PCBP3: variants seen among roughly 807,000 people sequenced by gnomAD.
PCBP3 encodes the protein poly(rC) binding protein 3.
In PCBP3, 25 loss-of-function variants were observed where a neutral mutation model predicts 52.7. That is an observed-to-expected ratio of 0.47 (90% CI 0.35 to 0.66). The LOEUF (loss-of-function observed/expected upper bound fraction) is 0.66. Among genes scored for constraint, PCBP3 ranks in the 30% least tolerant of loss-of-function variants. The pLI is 0.01. For synonymous variants in PCBP3, 162 were observed against 183.0 expected, an observed-to-expected ratio of 0.89 and a Z score of 0.93; for missense variants, 391 against 490.3, an observed-to-expected ratio of 0.80 and a Z score of 1.91.
intron 2 of PCBP3, among the ~76,000 whole-genome samples, chr21:45,679,060 G>T (rs1472403977): frequency 6.6e-6 from 1 of 150,896 alleles, no homozygotes; most frequent in African/African-American, 2.4e-5. Flanking sequence ...CTCACTGAAG[G>T]CTCAGATGAT....
At chr21:45,876,241 A>G (rs893305359) in intron 5 of PCBP3, among the ~76,000 whole-genome samples, 1 of 152,192 alleles carries the variant, frequency 6.6e-6, no homozygotes, top group Non-Finnish European at 1.5e-5. Flanking sequence ...AGGGTGGCCT[A>G]CCCTGTCTCT....
chr21:45,880,368 C>T lies in PCBP3; in HGVS notation c.11-15840C>T, dbSNP rs1354553593. Among the ~76,000 whole-genome samples the T allele has an allele frequency of 6.6e-6, 1 of 152,246 alleles. No homozygotes were observed. The highest frequency in any genetic ancestry group is 1.5e-5 in the Non-Finnish European group (1 of 68,050). ...GCCCAAACCCAGCCCTGTGCCGCCT[C>T]TGTGGGCCACAGGGACCCCCACAGC... On this transcript the variant is annotated intron_variant, in intron 5 of 17. Transcript: ENST00000681687. The surrounding 1 kb of genome is among the most constrained non-coding windows in gnomAD (Gnocchi z 5.4).
At chr21:45,649,216 C>T (rs1418904231) in intron 1 of PCBP3, among the ~76,000 whole-genome samples, 1 of 152,110 alleles carries the variant, frequency 6.6e-6, no homozygotes, top group Non-Finnish European at 1.5e-5. Context: ...GGGAAACTCC[C>T]CTTTTAAAAC....
At chr21:45,899,720 G>T in intron 7 of PCBP3, 98 bp downstream of exon 7, 1 of 853,872 alleles carries the variant, frequency 1.2e-6, no homozygotes, top group Non-Finnish European at 2.0e-6. Context: ...CAGTAGGTGC[G>T]CCTTTCCCAG....
chr21:45,704,126 G>T lies in PCBP3; in HGVS notation c.-199-31266G>T, dbSNP rs2083298912. ...AGACACGTTTATCTTGAGTTGGGAA[G>T]AACAAACTGGTCAGCTGGAGGAAAG... On this transcript the variant is annotated intron_variant, in intron 2 of 17. Coordinates refer to ENST00000681687, the MANE Select transcript of PCBP3 (RefSeq NM_001384156.1). This position sits in a 1 kb window ranked among gnomAD's most constrained non-coding sequence, Gnocchi z 4.1. Among the ~76,000 whole-genome samples the T allele has an allele frequency of 6.6e-6, 1 of 152,312 alleles. No individual in the cohort carries two copies. Among genetic ancestry groups the T allele is most frequent in the South Asian group, 2.1e-4 (1 of 4,822 alleles).
At chr21:45,840,859 C>A (rs896345703) in intron 4 of PCBP3, among the ~76,000 whole-genome samples, 1 of 152,214 alleles carries the variant, frequency 6.6e-6, no homozygotes, top group African/African-American at 2.4e-5. Flanking sequence ...AGCTGATCCT[C>A]CTGCCTCAGC....
At chr21:45,740,697 A>G (rs529200656) in intron 3 of PCBP3, among the ~76,000 whole-genome samples, 89 of 150,114 alleles carry the variant, frequency 5.9e-4, no homozygotes, top group Non-Finnish European at 9.3e-4. Flanking sequence ...GCGTGTGTGT[A>G]TGTGTGTGCA....
At chr21:45,888,404 C>T (rs1486894739) in intron 5 of PCBP3, among the ~76,000 whole-genome samples, 2 of 152,214 alleles carry the variant, frequency 1.3e-5, no homozygotes, top group Non-Finnish European at 2.9e-5. Flanking sequence ...TATGGGTGCC[C>T]GCGGGTGGGA....
intron 2 of PCBP3, among the ~76,000 whole-genome samples, chr21:45,699,703 G>C (rs1350389982): frequency 6.6e-6 from 1 of 152,202 alleles, no homozygotes; most frequent in Non-Finnish European, 1.5e-5. Flanking sequence ...CATGGCAACA[G>C]ACAAGAGAAG....
At chr21:45,893,872 G>T in intron 5 of PCBP3, 1 of 985,396 alleles carries the variant, frequency 1.0e-6, no homozygotes, top group Non-Finnish European at 1.2e-6. Context: ...ATGGGCTGCT[G>T]CAGGCTCTAC....
At chr21:45,814,456 GGTGAGTGATGAGTGGTGA>G (rs1337002950) in intron 4 of PCBP3, among the ~76,000 whole-genome samples, 1 of 108,608 alleles carries the variant, frequency 9.2e-6, no homozygotes, top group Admixed American at 8.9e-5. Context: ...AGTGGTGAGT[GGTGAGTGATGAGTGGTGA>G]GTGAGTGATG....
intron 1 of PCBP3, among the ~76,000 whole-genome samples, chr21:45,663,685 T>G (rs1271684947): frequency 6.6e-6 from 1 of 152,144 alleles, no homozygotes; most frequent in Non-Finnish European, 1.5e-5. Flanking sequence ...AGTTTTCTGT[T>G]GGTGTGTGGC....
intron 7 of PCBP3, among the ~76,000 whole-genome samples, chr21:45,899,873 G>A (rs539983324): frequency 2.6e-5 from 4 of 152,300 alleles, no homozygotes; most frequent in East Asian, 1.9e-4. Flanking sequence ...CCCCCTGCCC[G>A]TGGCCTTGGT....
rs1176047934 is a variant in PCBP3, at chr21:45,860,791, C to T, written c.10+10696C>T. ...GCAGCTGTGCCCCTCCGGCCGGCAG[C>T]GACCCCTCCCCTGAGCGTGGCCCTG... On this transcript the variant is annotated intron_variant, in intron 5 of 17. Transcript: ENST00000681687. Among the ~76,000 whole-genome samples the T allele has an allele frequency of 2.6e-5, 4 of 152,324 alleles. No homozygotes were observed. The South Asian group carries it at 6.2e-4, about 24-fold the overall frequency.
chr21:45,870,480 G>A (rs2094956188), intron 5 of PCBP3, among the ~76,000 whole-genome samples: 2 of 152,186 alleles, frequency 1.3e-5, no homozygotes, highest in African/African-American at 2.4e-5. Context: ...CAGGGAGGCC[G>A]GGAGCTGCGT....
At chr21:45,846,117 C>T (rs975834108) in intron 4 of PCBP3, among the ~76,000 whole-genome samples, 1 of 152,144 alleles carries the variant, frequency 6.6e-6, no homozygotes, top group South Asian at 2.1e-4. Context: ...TTGGAAGAGG[C>T]GGGTCACTGC....
rs540829408 is a variant in PCBP3 at position 45,912,787 on chromosome 21, G to A, written c.601-1164G>A. 8.5e-5 allele frequency among the ~76,000 whole-genome samples: 13 copies of A among 152,282 alleles called. No homozygotes were observed. The East Asian group carries it at 2.5e-3, about 29-fold the overall frequency. On this transcript the variant is annotated intron_variant, in intron 11 of 17. Coordinates refer to ENST00000681687, the MANE Select transcript of PCBP3 (RefSeq NM_001384156.1). ...TCTCCAGGAGCCGGGGAGGGCAGCA[G>A]CGGCTCCCGTCTACCTCAGTCAGTT...
At chr21:45,926,734 A>G (rs2075462512) in intron 13 of PCBP3, among the ~76,000 whole-genome samples, 1 of 152,248 alleles carries the variant, frequency 6.6e-6, no homozygotes, top group Non-Finnish European at 1.5e-5. Context: ...CCATGTGTCA[A>G]GAACTCCAAC....
chr21:45,661,120 G>A (rs1026558080), intron 1 of PCBP3, among the ~76,000 whole-genome samples: 4 of 151,990 alleles, frequency 2.6e-5, no homozygotes, highest in Admixed American at 1.3e-4. Context: ...ACAGTTATCT[G>A]TACTTGTTAC....
Sources: gnomAD v4.1 joint callset for allele counts (sites outside exome capture counted in the v4.1 genomes callset) on GRCh38, gnomAD v4.1.1 for gene constraint, Gnocchi (gnomAD v3.1) non-coding constraint, MANE v1.5 for transcripts, NCBI Gene and HGNC (gene_info 2026-07-23, HGNC 2026-07-21) for gene names.